KRIT1: variants seen among roughly 807,000 people sequenced by gnomAD.
KRIT1 encodes the protein KRIT1 ankyrin repeat containing, also known as krev interaction trapped protein 1.
KRIT1 carries 45 observed loss-of-function variants against 95.8 expected under a neutral mutation model. The observed-to-expected ratio is 0.47, with a 90% CI of 0.37 to 0.60. The LOEUF (loss-of-function observed/expected upper bound fraction) is 0.60, where lower values mean the gene tolerates loss of function less well. Among genes scored for constraint, KRIT1 ranks in the 20% least tolerant of loss-of-function variants. The pLI is 0.00. For missense variants in KRIT1, 788 were observed against 877.5 expected (o/e 0.90, Z 1.29); for synonymous variants, 282 against 278.8 (o/e 1.01, Z -0.11).
At chr7:92,239,393 A>C (rs1799104549) in intron 5 of KRIT1, among the ~76,000 whole-genome samples, 1 of 152,214 alleles carries the variant, frequency 6.6e-6, no homozygotes, top group Non-Finnish European at 1.5e-5. Context: ...GATTTAGGCT[A>C]ATTAGATTTC....
At chr7:92,245,397 G>C (rs1437340282) in intron 1 of KRIT1, 1 of 151,836 alleles carries the variant, frequency 6.6e-6, no homozygotes, top group African/African-American at 2.4e-5. Flanking sequence ...TGGTTTCTCT[G>C]TAACTACATG....
At chr7:92,224,087 G>C (rs1445378529) in intron 12 of KRIT1, among the ~76,000 whole-genome samples, 1 of 152,146 alleles carries the variant, frequency 6.6e-6, no homozygotes, top group Non-Finnish European at 1.5e-5. Context: ...CAAAATGCGT[G>C]CGTGTGTGGT....
At chr7:92,236,381 A>T in intron 7 of KRIT1, 32 bp downstream of exon 7, 1 of 1,466,212 alleles carries the variant, frequency 6.8e-7, no homozygotes, top group Non-Finnish European at 9.5e-7. Flanking sequence ...GTATTTGATT[A>T]ATTAAAAGAT....
chr7:92,226,691 A>G lies in KRIT1; in HGVS notation c.990-9T>C. The G allele has an allele frequency of 6.2e-7, 1 of 1,612,054 alleles. No homozygotes were observed. The highest frequency in any genetic ancestry group is 8.5e-7 in the Non-Finnish European group (1 of 1,179,098). ...CCTCAACTTTTCCATACCTGTATAA[A>G]AAAACAAACAAACAAAAAACAACAA... On this transcript the variant is annotated splice_polypyrimidine_tract_variant and intron_variant, in intron 10 of 18. Coordinates refer to ENST00000394505, the MANE Select transcript of KRIT1 (RefSeq NM_194454.3).
At chr7:92,229,002 T>G (rs1796752689) in intron 10 of KRIT1, among the ~76,000 whole-genome samples, 1 of 152,204 alleles carries the variant, frequency 6.6e-6, no homozygotes, top group African/African-American at 2.4e-5. Context: ...ACCTTTAGAT[T>G]GATTCTATGT....
chr7:92,213,466 C>A, intron 16 of KRIT1, 65 bp from the exon 17 acceptor site: 1 of 1,048,470 alleles, frequency 9.5e-7, no homozygotes, highest in Non-Finnish European at 1.5e-6. Context: ...CATTGATAAT[C>A]CAAATAGATC....
At chr7:92,209,104 A>G (rs929356102) in intron 17 of KRIT1, among the ~76,000 whole-genome samples, 1 of 152,188 alleles carries the variant, frequency 6.6e-6, no homozygotes, top group Non-Finnish European at 1.5e-5. Context: ...AATAGTTTCA[A>G]TAAGTGCAGA....
Position 92,232,289 on chromosome 7 carries a change from A to G in KRIT1, c.989+2160T>C, listed in dbSNP as rs187498563. Among the ~76,000 whole-genome samples the G allele has an allele frequency of 1.8e-3, 279 of 152,234 alleles. 2 individuals are homozygous for G. The highest frequency in any genetic ancestry group is 6.2e-3 in the African/African-American group (259 of 41,546). ...TCATTATGTGCTCTCAAAGCACGTT[A>G]CTTGTAATTTTTCTTTTACTATTAG... is the stretch of plus-strand genomic sequence containing the variant. On this transcript the variant is annotated intron_variant, in intron 10 of 18. Transcript: ENST00000394505.
At chr7:92,202,149 C>T (rs1187632849) in intron 17 of KRIT1, 2 of 152,148 alleles carry the variant, frequency 1.3e-5, no homozygotes, top group African/African-American at 4.8e-5. Context: ...TCTCATCCCA[C>T]TGAAAATAAG....
intron 17 of KRIT1, chr7:92,206,241 G>A (rs1373834173): frequency 6.5e-6 from 1 of 152,904 alleles, no homozygotes; most frequent in Non-Finnish European, 1.5e-5. Flanking sequence ...GCCTGCTGTT[G>A]GTGCCTGTGC....
chr7:92,210,280 AT>A (rs1792516366), intron 17 of KRIT1, among the ~76,000 whole-genome samples: 1 of 152,206 alleles, frequency 6.6e-6, no homozygotes, highest in South Asian at 2.1e-4. Context: ...ACACTATCTA[AT>A]TTCAAAAAAT....
At chr7:92,202,718 C>T (rs942285826) in intron 17 of KRIT1, among the ~76,000 whole-genome samples, 3 of 152,002 alleles carry the variant, frequency 2.0e-5, no homozygotes, top group Non-Finnish European at 4.4e-5. Context: ...CAGTGAGACT[C>T]CGTCTAAATA....
intron 17 of KRIT1, among the ~76,000 whole-genome samples, chr7:92,203,456 G>GT (rs1313104116): frequency 1.3e-5 from 2 of 152,184 alleles, no homozygotes; most frequent in African/African-American, 4.8e-5. Flanking sequence ...TCAATCACCT[G>GT]TTTAGATACC....
intron 17 of KRIT1, among the ~76,000 whole-genome samples, chr7:92,208,284 T>C (rs780005160): frequency 6.6e-6 from 1 of 150,426 alleles, no homozygotes; most frequent in Non-Finnish European, 1.5e-5. Context: ...ACGATGCACC[T>C]CAAGGAACTA....
intron 12 of KRIT1, among the ~76,000 whole-genome samples, chr7:92,224,111 T>TA (rs1190781713): frequency 6.6e-6 from 1 of 152,174 alleles, no homozygotes; most frequent in African/African-American, 2.4e-5. Context: ...TGTGTAACAT[T>TA]AAAGGCAGAG....
chr7:92,241,884 C>A (rs531448809), intron 4 of KRIT1, 150 bp downstream of exon 4: 5 of 571,458 alleles, frequency 8.7e-6, no homozygotes, highest in African/African-American at 7.6e-5. Flanking sequence ...TCAAAAGGCA[C>A]GTGGCAGAAA....
At chr7:92,230,244 A>G (rs1036875963) in intron 10 of KRIT1, among the ~76,000 whole-genome samples, 1 of 152,144 alleles carries the variant, frequency 6.6e-6, no homozygotes, top group African/African-American at 2.4e-5. Context: ...AACTTGCCCA[A>G]CGTCTCATGG....
chr7:92,200,411 G>A lies in KRIT1; in HGVS notation c.*325C>T, dbSNP rs1165742373. ...GCTGTGTCACCCAGGCTAGCGTGCC[G>A]TGGTGCAATCTTGGCTCACTACAAC... On this transcript the variant is annotated 3_prime_UTR_variant, in exon 19 of 19. Coordinates refer to ENST00000394505, the MANE Select transcript of KRIT1 (RefSeq NM_194454.3). The A allele has an allele frequency of 3.4e-5, 10 of 293,846 alleles. No homozygotes were observed. Among genetic ancestry groups the A allele is most frequent in the South Asian group, 1.5e-4 (4 of 25,964 alleles). The allele number at this position is 293,846 out of a possible 1,614,324, so 18.2% of individuals were successfully genotyped here. A position where few individuals can be genotyped will look rare whatever the true frequency, so the allele number is the denominator to read the frequency against.
Position 92,226,565 on chromosome 7 carries a change from T to G in KRIT1, c.1107A>C (p.Glu369Asp), listed in dbSNP as rs1254441547. The change falls in exon 11 of 19, where the codon GAA (glutamate) becomes GAC (aspartate). Residue 369 changes from glutamate to aspartate, a missense_variant. Transcript: ENST00000394505. ...LHFAAGGGHA[E>D]IVQILLNHPE... ...GGTGGTTTAGGAGAATCTGTACTAT[T>G]TCAGCATGTCCTCCTCCAGCAGCAA... 1 of 1,613,176 alleles carries G rather than the reference T, an allele frequency of 6.2e-7. No homozygotes were observed. Among genetic ancestry groups the G allele is most frequent in the Non-Finnish European group, 8.5e-7 (1 of 1,179,338 alleles).
Sources: allele counts gnomAD v4.1 joint callset (sites outside exome capture counted in the v4.1 genomes callset), GRCh38; gene constraint gnomAD v4.1.1; transcripts MANE v1.5; gene names NCBI Gene and HGNC (gene_info 2026-07-23, HGNC 2026-07-21).